ADCY8: variants seen among roughly 807,000 people sequenced by gnomAD.
ADCY8 encodes adenylate cyclase 8.
ADCY8 carries 51 observed loss-of-function variants against 119.7 expected under a neutral mutation model. The observed-to-expected ratio is 0.43, with a 90% CI of 0.34 to 0.54. ADCY8 has a LOEUF of 0.54. Among genes scored for constraint, ADCY8 ranks in the 20% least tolerant of loss-of-function variants. ADCY8 has a pLI of 0.03. For missense variants in ADCY8, 1,383 were observed against 1,598.8 expected (o/e 0.87, Z 2.30); for synonymous variants, 665 against 651.0 (o/e 1.02, Z -0.33).
At chr8:130,805,544 AGTGGGAATAGGGT>A (rs1167935304) in intron 14 of ADCY8, among the ~76,000 whole-genome samples, 8 of 152,142 alleles carry the variant, frequency 5.3e-5, no homozygotes, top group African/African-American at 1.9e-4. Context: ...AGGTTGGAGA[AGTGGGAATAGGGT>A]GGGCTGGGAC....
At chr8:130,970,355 C>T (rs6998224) in intron 2 of ADCY8, among the ~76,000 whole-genome samples, 119,124 of 152,128 alleles carry the variant, frequency 0.78, 50,085 homozygotes, top group East Asian at 0.95. Flanking sequence ...TATGGTGAAC[C>T]GTGCATGTGA....
Position 130,937,054 on chromosome 8 carries a change from G to T in ADCY8, c.1481+19C>A, listed in dbSNP as rs77382874. Reference sequence around the variant, plus strand: ...TGCACATTGAAGACCCAGGTAACATGATGGGGATCACAAATTACCTGATGG... The same window carrying T: ...TGCACATTGAAGACCCAGGTAACATTATGGGGATCACAAATTACCTGATGG... On this transcript the variant is annotated intron_variant, in intron 5 of 17. Transcript: ENST00000286355. 1 of 1,602,576 alleles carries T rather than the reference G, an allele frequency of 6.2e-7. No individual in the cohort carries two copies. The highest frequency in any genetic ancestry group is 8.5e-7 in the Non-Finnish European group (1 of 1,172,510).
At chr8:130,831,697 C>G (rs1418819301) in intron 12 of ADCY8, among the ~76,000 whole-genome samples, 1 of 152,166 alleles carries the variant, frequency 6.6e-6, no homozygotes, top group Non-Finnish European at 1.5e-5. Context: ...GAAAATTTAA[C>G]TTCTTAGAGG....
chr8:131,029,840 A>G (rs1823941711), intron 1 of ADCY8, among the ~76,000 whole-genome samples: 1 of 146,930 alleles, frequency 6.8e-6, no homozygotes, highest in African/African-American at 2.5e-5. Context: ...ATGATTCTGT[A>G]ATGATGTGTG....
intron 2 of ADCY8, among the ~76,000 whole-genome samples, chr8:130,958,124 T>C (rs1402921727): frequency 2.0e-5 from 3 of 152,180 alleles, no homozygotes; most frequent in Non-Finnish European, 2.9e-5. Context: ...TTACGACATG[T>C]GGGAAAAGTG....
intron 11 of ADCY8, among the ~76,000 whole-genome samples, chr8:130,845,852 G>A (rs1817279690): frequency 1.3e-5 from 2 of 152,066 alleles, no homozygotes; most frequent in African/African-American, 4.8e-5. Context: ...AAGAAGGAAG[G>A]AAGGATAGAA....
chr8:130,804,092 A>T (rs1815868572), intron 14 of ADCY8, among the ~76,000 whole-genome samples: 1 of 152,238 alleles, frequency 6.6e-6, no homozygotes, highest in African/African-American at 2.4e-5. Context: ...GATCCTGCTT[A>T]AGTAAATGTG....
Position 130,944,429 on chromosome 8 carries a change from G to A in ADCY8, c.1242-967C>T, listed in dbSNP as rs116651428. On this transcript the variant is annotated intron_variant, in intron 3 of 17. Transcript: ENST00000286355. The stretch of plus-strand genomic sequence containing the variant: ...TACAATTGATCACTTTAGCTGTGTC[G>A]AGCTTTTTACATCTTTTCTTAGTGT... 3.9e-3 allele frequency among the ~76,000 whole-genome samples: 594 copies of A among 152,226 alleles called. 4 individuals are homozygous for A. The highest frequency in any genetic ancestry group is 0.013 in the African/African-American group (550 of 41,526).
intron 15 of ADCY8, among the ~76,000 whole-genome samples, chr8:130,786,662 A>C (rs974045801): frequency 2.0e-5 from 3 of 152,252 alleles, no homozygotes; most frequent in African/African-American, 7.2e-5. Context: ...TGGATGAACA[A>C]GATACATGAG....
chr8:131,023,919 C>T (rs981336484), intron 1 of ADCY8, among the ~76,000 whole-genome samples: 9 of 152,166 alleles, frequency 5.9e-5, no homozygotes, highest in African/African-American at 1.9e-4. Flanking sequence ...TAAGGAAAGA[C>T]TTCAGTGTGG....
At chr8:130,921,304 A>G (rs907128587) in intron 5 of ADCY8, among the ~76,000 whole-genome samples, 2 of 152,116 alleles carry the variant, frequency 1.3e-5, no homozygotes, top group African/African-American at 4.8e-5. Context: ...AAAAATTAAA[A>G]AAGCTGAAGT....
At chr8:130,871,172 T>G (rs1354255953) in intron 8 of ADCY8, among the ~76,000 whole-genome samples, 1 of 152,220 alleles carries the variant, frequency 6.6e-6, no homozygotes, top group Non-Finnish European at 1.5e-5. Flanking sequence ...GATTAGTGAT[T>G]CATTTAACTT....
chr8:130,913,219 T>C (rs1408747335), intron 5 of ADCY8, among the ~76,000 whole-genome samples: 1 of 152,156 alleles, frequency 6.6e-6, no homozygotes, highest in Non-Finnish European at 1.5e-5. Flanking sequence ...CTTTTAGCTA[T>C]TTTAAAATGT....
At chr8:130,817,384 T>A (rs1816380747) in intron 13 of ADCY8, among the ~76,000 whole-genome samples, 2 of 152,222 alleles carry the variant, frequency 1.3e-5, no homozygotes, top group Admixed American at 1.3e-4. Context: ...TAACTCCCAG[T>A]GTCCAGATTG....
chr8:131,003,488 C>A (rs976001315), intron 1 of ADCY8, among the ~76,000 whole-genome samples: 16 of 152,112 alleles, frequency 1.1e-4, no homozygotes, highest in Non-Finnish European at 2.4e-4. Flanking sequence ...TGTTTTGCAG[C>A]CTGACTTAAT....
intron 1 of ADCY8, among the ~76,000 whole-genome samples, chr8:131,023,104 C>A (rs1823723813): frequency 6.6e-6 from 1 of 152,106 alleles, no homozygotes; most frequent in African/African-American, 2.4e-5. Flanking sequence ...CTGGAGGTTG[C>A]AATCCTGCAA....
chr8:130,807,139 G>A (rs563474106), intron 14 of ADCY8, among the ~76,000 whole-genome samples: 6 of 152,278 alleles, frequency 3.9e-5, no homozygotes, highest in South Asian at 2.1e-4. Flanking sequence ...GCGCTCCGTC[G>A]CACACCTGCA....
At chr8:130,921,452 T>C (rs1385954110) in intron 5 of ADCY8, among the ~76,000 whole-genome samples, 2 of 147,538 alleles carry the variant, frequency 1.4e-5, no homozygotes, top group Non-Finnish European at 3.0e-5. Context: ...TTCTTTTCTT[T>C]TTTTTTTTTT....
At chr8:130,984,362 G>C (rs1392491340) in intron 2 of ADCY8, among the ~76,000 whole-genome samples, 1 of 152,162 alleles carries the variant, frequency 6.6e-6, no homozygotes, top group Non-Finnish European at 1.5e-5. Context: ...CTCTGGAAAA[G>C]AGAAACCAAT....
Sources: allele counts gnomAD v4.1 joint callset (sites outside exome capture counted in the v4.1 genomes callset), GRCh38; gene constraint gnomAD v4.1.1; transcripts MANE v1.5; gene names NCBI Gene and HGNC (gene_info 2026-07-23, HGNC 2026-07-21).